ZDHHC21: variants seen among roughly 807,000 people sequenced by gnomAD.
ZDHHC21 encodes zDHHC palmitoyltransferase 21.
Under a neutral mutation model 34.6 loss-of-function variants are expected in ZDHHC21, and 15 were observed. That is an observed-to-expected ratio of 0.43 (90% CI 0.29 to 0.67). The LOEUF (loss-of-function observed/expected upper bound fraction) is 0.67, where lower values mean the gene tolerates loss of function less well. Among genes scored for constraint, ZDHHC21 ranks in the 30% least tolerant of loss-of-function variants. The pLI is 0.14. For missense variants in ZDHHC21, 344 were observed against 327.7 expected (o/e 1.05, Z -0.38); for synonymous variants, 142 against 101.8 (o/e 1.40, Z -2.38).
At chr9:14,592,292 G>A in the ZDHHC21 span, among the ~76,000 whole-genome samples, 6 of 151,496 alleles carry the variant, frequency 4.0e-5, 1 homozygote, top group Admixed American at 6.6e-5. Flanking sequence ...TATTTAATTC[G>A]GTAAAATACA....
At chr9:14,632,425 C>T (rs1442259220) in intron 8 of ZDHHC21, among the ~76,000 whole-genome samples, 1 of 151,942 alleles carries the variant, frequency 6.6e-6, no homozygotes, top group Non-Finnish European at 1.5e-5. Context: ...ACCCCTACTT[C>T]ACACAATGTA....
chr9:14,607,952 C>G (rs149752776), downstream of ZDHHC21, among the ~76,000 whole-genome samples: 2 of 152,174 alleles, frequency 1.3e-5, no homozygotes, highest in African/African-American at 4.8e-5. Flanking sequence ...GTATCGTGCA[C>G]TGACTGGATC....
intron 7 of ZDHHC21, among the ~76,000 whole-genome samples, chr9:14,651,172 C>T (rs1831174519): frequency 6.6e-6 from 1 of 151,722 alleles, no homozygotes; most frequent in Non-Finnish European, 1.5e-5. Context: ...TATTTTTAAC[C>T]CACTGCGATG....
the ZDHHC21 span, among the ~76,000 whole-genome samples, chr9:14,604,805 T>C: frequency 6.6e-6 from 1 of 152,192 alleles, no homozygotes; most frequent in Admixed American, 6.5e-5. Flanking sequence ...CATAATGTTA[T>C]ACAACAGAGC....
chr9:14,644,524 T>C (rs13302223), intron 7 of ZDHHC21, among the ~76,000 whole-genome samples: 10 of 151,606 alleles, frequency 6.6e-5, no homozygotes, highest in Non-Finnish European at 1.2e-4. Context: ...TTTAAGGGGG[T>C]CGGGAAGAAA....
chr9:14,693,106 TCCCGGCGCGGAGGAGCGGCGGGCGGG>T (rs1839409555), intron 1 of ZDHHC21, 97 bp downstream of exon 1: 2 of 191,162 alleles, frequency 1.0e-5, no homozygotes, highest in South Asian at 5.6e-5. Context: ...GGTGAGGGCG[TCCCGGCGCGGAGGAGCGGCGGGCGGG>T]CCCGGCAGAG....
rs1823358805 is a variant in ZDHHC21, at chr9:14,611,863, T to C, written c.*7103A>G. Reference sequence around the variant, plus strand: ...TCTGGTGGAAGTTTTTACTTTTGTATCATTTAGTTGCTTTATTCTTACATA... The same window carrying C: ...TCTGGTGGAAGTTTTTACTTTTGTACCATTTAGTTGCTTTATTCTTACATA... On this transcript the variant is annotated 3_prime_UTR_variant, in exon 10 of 10. Transcript: ENST00000380916. 1 of 152,086 alleles carries C rather than the reference T, an allele frequency of 6.6e-6. No homozygotes were observed. The highest frequency in any genetic ancestry group is 2.4e-5 in the African/African-American group (1 of 41,458). 9.4% of individuals were successfully genotyped at this position (152,086 alleles called of 1,614,324 possible).
chr9:14,591,263 G>A, the ZDHHC21 span, among the ~76,000 whole-genome samples: 2 of 152,048 alleles, frequency 1.3e-5, no homozygotes, highest in African/African-American at 4.8e-5. Flanking sequence ...CTAACATAAT[G>A]GTATTAAGAG....
rs1016007168 is a variant in ZDHHC21 at position 14,612,809 on chromosome 9, A to T, written c.*6157T>A. On this transcript the variant is annotated 3_prime_UTR_variant, in exon 10 of 10. Transcript: ENST00000380916. ...GTTATCTTTATTTGCAAAGTAGACA[A>T]ATGGCAATATTATTCTTTAAAGCCA... 5 of 150,518 alleles carry T rather than the reference A, an allele frequency of 3.3e-5. No homozygotes were observed. The Admixed American group carries it at 3.3e-4, about 10-fold the overall frequency. 9.3% of individuals were successfully genotyped at this position (150,518 alleles called of 1,614,324 possible).
intron 7 of ZDHHC21, among the ~76,000 whole-genome samples, chr9:14,655,071 G>T (rs1166682894): frequency 6.6e-6 from 1 of 151,852 alleles, no homozygotes; most frequent in Admixed American, 6.6e-5. Context: ...TAGAATCACA[G>T]AATAATTGCT....
At chr9:14,649,903 C>T (rs1830924582) in intron 7 of ZDHHC21, among the ~76,000 whole-genome samples, 1 of 152,066 alleles carries the variant, frequency 6.6e-6, no homozygotes, top group Admixed American at 6.6e-5. Flanking sequence ...TAATGCAGTG[C>T]TACAGTGTTT....
At chr9:14,647,211 C>G (rs1830406518) in intron 7 of ZDHHC21, among the ~76,000 whole-genome samples, 1 of 152,042 alleles carries the variant, frequency 6.6e-6, no homozygotes, top group Admixed American at 6.6e-5. Flanking sequence ...ACTCCTATCT[C>G]ATAATCTTTT....
the ZDHHC21 span, among the ~76,000 whole-genome samples, chr9:14,603,573 C>A: frequency 1.3e-5 from 2 of 152,164 alleles, no homozygotes; most frequent in Non-Finnish European, 2.9e-5. Context: ...GATTTGGATT[C>A]AACCACTTTT....
intron 2 of ZDHHC21, among the ~76,000 whole-genome samples, chr9:14,687,361 C>G (rs1838479888): frequency 6.6e-6 from 1 of 150,680 alleles, no homozygotes; most frequent in Non-Finnish European, 1.5e-5. Context: ...AATGAAATCT[C>G]ATCTATGTGG....
At chr9:14,603,385 T>C in the ZDHHC21 span, among the ~76,000 whole-genome samples, 1 of 152,152 alleles carries the variant, frequency 6.6e-6, no homozygotes, top group Non-Finnish European at 1.5e-5. Context: ...TAAATCCTCC[T>C]GAAATTTTTA....
Position 14,658,757 on chromosome 9 carries a change from G to C in ZDHHC21, c.496C>G (p.Arg166Gly). 6.2e-7 allele frequency: 1 copy of C among 1,613,162 alleles called. No homozygotes were observed. Among genetic ancestry groups the C allele is most frequent in the Non-Finnish European group, 8.5e-7 (1 of 1,179,704 alleles). Residue 166 changes from arginine (R) to glycine (G), a missense_variant, in exon 7 of 10, where the codon CGT becomes GGT. Transcript: ENST00000380916. ...ATATAAACATTTCTTACCAAATTAC[G>C]CTTTTTTAGTGGAAGAAAATAGTAA... ...HYYYFLPLKK[R>G]NLDLFVFRHE... is the part of the protein sequence containing the mutation.
At chr9:14,635,043 A>G (rs1045527341) in intron 8 of ZDHHC21, among the ~76,000 whole-genome samples, 1 of 152,168 alleles carries the variant, frequency 6.6e-6, no homozygotes, top group Non-Finnish European at 1.5e-5. Context: ...TACAAAATAC[A>G]TTTCAAAGTT....
At chr9:14,594,086 G>A in the ZDHHC21 span, 1 of 152,182 alleles carries the variant, frequency 6.6e-6, no homozygotes, top group South Asian at 2.1e-4. Context: ...TTCAAAAATT[G>A]CTAGATAAGA....
In ZDHHC21 at chr9:14,617,977, T is replaced by C. The variant is rs1396100074; in HGVS notation, c.*989A>G. The stretch of plus-strand genomic sequence containing the variant: ...TATATAAACCTTCAATGTGAAATTT[T>C]ACATCTACTAGTACATAAATAAAAG... On this transcript the variant is annotated 3_prime_UTR_variant, in exon 10 of 10. Transcript: ENST00000380916. 1 of 152,296 alleles carries C rather than the reference T, an allele frequency of 6.6e-6. No homozygotes were observed. Among genetic ancestry groups the C allele is most frequent in the Non-Finnish European group, 1.5e-5 (1 of 67,950 alleles). The allele number at this position is 152,296 out of a possible 1,614,324, so 9.4% of individuals were successfully genotyped here.
Sources: gnomAD v4.1 joint callset for allele counts (sites outside exome capture counted in the v4.1 genomes callset) on GRCh38, gnomAD v4.1.1 for gene constraint, MANE v1.5 for transcripts, NCBI Gene and HGNC (gene_info 2026-07-23, HGNC 2026-07-21) for gene names.